Variants in VPS13D observed in about 807,000 individuals in gnomAD.
VPS13D encodes vacuolar protein sorting 13 homolog D, also known as intermembrane lipid transfer protein VPS13D.
VPS13D carries 187 observed loss-of-function variants against 461.9 expected under a neutral mutation model. That is an observed-to-expected ratio of 0.40 (90% CI 0.36 to 0.46). VPS13D has a LOEUF of 0.46. VPS13D is among the 20% of genes least tolerant of loss of function. The probability of loss-of-function intolerance (pLI) is 0.60; values close to 1 mark genes in which losing one functional copy is unlikely to be tolerated. For synonymous variants in VPS13D, 1,951 were observed against 1,986.3 expected, an observed-to-expected ratio of 0.98 and a Z score of 0.47; for missense variants, 4,711 against 5,364.9, an observed-to-expected ratio of 0.88 and a Z score of 3.81.
rs1478370751 is a variant in VPS13D at position 12,505,941 on chromosome 1, C to T, written c.12795-912C>T. Among the ~76,000 whole-genome samples, 1 of 152,242 alleles carries T rather than the reference C, an allele frequency of 6.6e-6. No individual in the cohort carries two copies. Among genetic ancestry groups the T allele is most frequent in the African/African-American group, 2.4e-5 (1 of 41,468 alleles). ...GACCTGGGAACAACGCCGTTCTGGA[C>T]CCAGGTTTCAGAACACTTCCAGGTG... On this transcript the variant is annotated intron_variant, in intron 68 of 69. Coordinates refer to ENST00000620676, the MANE Select transcript of VPS13D (RefSeq NM_015378.4). The surrounding 1 kb of genome is among the most constrained non-coding windows in gnomAD (Gnocchi z 4.2).
At chr1:12,301,035 A>G (rs1642409737) in intron 25 of VPS13D, among the ~76,000 whole-genome samples, 2 of 152,344 alleles carry the variant, frequency 1.3e-5, no homozygotes, top group African/African-American at 4.8e-5. Context: ...TTTGAGATGT[A>G]TGTAAGATTT....
chr1:12,354,341 G>A, intron 47 of VPS13D, 120 bp downstream of exon 47: 1 of 1,281,672 alleles, frequency 7.8e-7, no homozygotes, highest in Non-Finnish European at 1.1e-6. Flanking sequence ...ATCTCAATAA[G>A]CCAGCTCAAA....
chr1:12,381,922 T>TTTTCTTTCCTTTC (rs1553185974), intron 57 of VPS13D, among the ~76,000 whole-genome samples: 4 of 101,168 alleles, frequency 4.0e-5, no homozygotes, highest in Non-Finnish European at 8.3e-5. Context: ...CTTTCTTTTC[T>TTTTCTTTCCTTTC]TTTCTTTCTT....
chr1:12,317,095 G>C (rs1410249449), intron 30 of VPS13D, among the ~76,000 whole-genome samples: 1 of 151,072 alleles, frequency 6.6e-6, no homozygotes, highest in East Asian at 1.9e-4. Context: ...AAAGATCTGG[G>C]CTGTCAGGTC....
chr1:12,374,438 G>A (rs1051604618), intron 55 of VPS13D, among the ~76,000 whole-genome samples: 1 of 152,008 alleles, frequency 6.6e-6, no homozygotes, highest in Non-Finnish European at 1.5e-5. Flanking sequence ...CCAGAAAATT[G>A]GCAAGAATTT....
At chr1:12,409,497 CTT>C (rs888295380) in intron 63 of VPS13D, among the ~76,000 whole-genome samples, 291 of 152,198 alleles carry the variant, frequency 1.9e-3, no homozygotes, top group African/African-American at 6.5e-3. Context: ...AGTATATAGA[CTT>C]TTCAATAGTG....
intron 65 of VPS13D, among the ~76,000 whole-genome samples, chr1:12,420,054 G>A (rs1644843872): frequency 6.6e-6 from 1 of 152,202 alleles, no homozygotes. Context: ...GCACATGACT[G>A]TATTTTGATA....
At chr1:12,385,509 G>C in intron 59 of VPS13D, 136 bp downstream of exon 59, 1 of 682,918 alleles carries the variant, frequency 1.5e-6, no homozygotes, top group Admixed American at 3.3e-5. Flanking sequence ...AGTGTTTACT[G>C]TTTATCAGTG....
chr1:12,415,906 T>C (rs1012292994), intron 64 of VPS13D, among the ~76,000 whole-genome samples: 1 of 151,914 alleles, frequency 6.6e-6, no homozygotes, highest in African/African-American at 2.4e-5. Context: ...GGGCCAGTCA[T>C]GGTGGCTCAC....
At chr1:12,456,622 G>A (rs941529560) in intron 66 of VPS13D, among the ~76,000 whole-genome samples, 6 of 111,232 alleles carry the variant, frequency 5.4e-5, no homozygotes, top group Non-Finnish European at 8.3e-5. Context: ...TGGCAACAGA[G>A]CAAGACTCCA....
chr1:12,350,225 A>T (rs1643764458), intron 46 of VPS13D, among the ~76,000 whole-genome samples: 1 of 152,218 alleles, frequency 6.6e-6, no homozygotes, highest in Admixed American at 6.5e-5. Flanking sequence ...CAGATTATAC[A>T]TTCTTTTCAA....
intron 2 of VPS13D, among the ~76,000 whole-genome samples, chr1:12,238,948 A>G (rs1043517164): frequency 1.3e-5 from 2 of 152,038 alleles, no homozygotes; most frequent in African/African-American, 4.8e-5. Flanking sequence ...TTCCACCTCT[A>G]TAGTCCCTGA....
chr1:12,465,638 A>G (rs1024349225), intron 67 of VPS13D, among the ~76,000 whole-genome samples: 32 of 152,250 alleles, frequency 2.1e-4, no homozygotes, highest in Admixed American at 2.1e-3. Context: ...TTCAGTAAAA[A>G]TAGCCCCAAA....
At chr1:12,273,223 TTATGTAACATTTTTA>T in intron 18 of VPS13D, 88 bp downstream of exon 18, 1 of 1,451,050 alleles carries the variant, frequency 6.9e-7, no homozygotes, top group Non-Finnish European at 9.2e-7. Context: ...AATAAAATGT[TTATGTAACATTTTTA>T]TATGTAACAT....
In VPS13D at chr1:12,261,002, C is replaced by T. The variant is rs200409077; in HGVS notation, c.1267C>T (p.Pro423Ser). 350 of 1,613,794 alleles carry T rather than the reference C, an allele frequency of 2.2e-4. No individual in the cohort carries two copies. The highest frequency in any genetic ancestry group is 2.8e-4 in the Non-Finnish European group (325 of 1,180,030). The change falls in exon 12 of 70, where the codon CCC (proline) becomes TCC (serine). Residue 423 changes from proline (P) to serine (S), a missense_variant. Transcript: ENST00000620676. ...SPGACPGAPE[P>S]GGGSGMLQYL... Reference sequence around the variant, plus strand: ...AGGAGCCTGTCCGGGAGCCCCAGAACCCGGTGGAGGCAGTGGGATGCTGCA... The same window carrying T: ...AGGAGCCTGTCCGGGAGCCCCAGAATCCGGTGGAGGCAGTGGGATGCTGCA...
chr1:12,393,444 C>A (rs184391671), intron 60 of VPS13D, among the ~76,000 whole-genome samples: 1 of 152,348 alleles, frequency 6.6e-6, no homozygotes, highest in Non-Finnish European at 1.5e-5. Flanking sequence ...TCAGTGGCTG[C>A]ATACCAGGTA....
At chr1:12,422,931 A>AT (rs1417357673) in intron 65 of VPS13D, among the ~76,000 whole-genome samples, 7 of 151,376 alleles carry the variant, frequency 4.6e-5, no homozygotes, top group Non-Finnish European at 1.0e-4. Flanking sequence ...AATATGAAAC[A>AT]TTAATTACTG....
At position 12,342,987 on chromosome 1, in the gene VPS13D, CGAGAAGTCCTTACAGGTGAAGA is replaced by C; in HGVS notation, c.8824_8845del (p.Glu2942PhefsTer11). 1 of 1,613,498 alleles carries C rather than the reference CGAGAAGTCCTTACAGGTGAAGA, an allele frequency of 6.2e-7. No homozygotes were observed. ...TGATACTCACAATGTTAGTGAATGG[CGAGAAGTCCTTACAGGTGAAGA>C]GATTCCCTTTGAATTTGAAGCAAGA... On this transcript the variant is annotated frameshift_variant, in exon 42 of 70. Transcript: ENST00000620676. LOFTEE classifies it high-confidence loss of function.
intron 65 of VPS13D, among the ~76,000 whole-genome samples, chr1:12,417,064 G>T (rs1299926567): frequency 6.6e-6 from 1 of 152,016 alleles, no homozygotes; most frequent in Non-Finnish European, 1.5e-5. Flanking sequence ...CAGGCATTGC[G>T]TATGTCTTAC....
Sources: allele counts gnomAD v4.1 joint callset (sites outside exome capture counted in the v4.1 genomes callset), GRCh38; gene constraint gnomAD v4.1.1; non-coding constraint Gnocchi (gnomAD v3.1); transcripts MANE v1.5; gene names NCBI Gene and HGNC (gene_info 2026-07-23, HGNC 2026-07-21).